Variants in CERS3 observed in about 807,000 individuals in gnomAD.
CERS3 encodes the protein ceramide synthase 3.
CERS3 carries 33 observed loss-of-function variants against 50.3 expected under a neutral mutation model. The ratio of observed to expected loss-of-function variants is 0.66; its 90% CI spans 0.50 to 0.88. The LOEUF is 0.88. Ranked by LOEUF, CERS3 falls within the 40% of genes least tolerant of loss-of-function variation. The probability of loss-of-function intolerance (pLI) is 0.00; values close to 1 mark genes in which losing one functional copy is unlikely to be tolerated. For synonymous variants in CERS3, 176 were observed against 155.2 expected (o/e 1.13, Z -0.99); for missense variants, 470 against 460.3 (o/e 1.02, Z -0.19).
intron 1 of CERS3, among the ~76,000 whole-genome samples, chr15:100,524,651 T>C (rs1485382981): frequency 2.0e-5 from 3 of 152,238 alleles, no homozygotes; most frequent in Non-Finnish European, 4.4e-5. Flanking sequence ...GCATGTTGTA[T>C]GTTTTTAAAG....
intron 11 of CERS3, among the ~76,000 whole-genome samples, chr15:100,429,842 CCCA>C (rs1406921955): frequency 6.6e-6 from 1 of 152,052 alleles, no homozygotes; most frequent in Non-Finnish European, 1.5e-5. Context: ...TACACAAATT[CCCA>C]CCACTTTAAT....
intron 11 of CERS3, among the ~76,000 whole-genome samples, chr15:100,406,518 G>A (rs981190206): frequency 1.3e-5 from 2 of 152,150 alleles, no homozygotes; most frequent in African/African-American, 4.8e-5. Context: ...GCTCATCTCT[G>A]TATGTTCGGT....
chr15:100,532,221 T>C (rs140427449), upstream of CERS3, among the ~76,000 whole-genome samples: 129 of 152,308 alleles, frequency 8.5e-4, no homozygotes, highest in African/African-American at 2.9e-3. Context: ...AGCTGCATTT[T>C]ATGCTTTCAG....
At chr15:100,472,274 A>G (rs1018364851) in intron 9 of CERS3, among the ~76,000 whole-genome samples, 2 of 152,210 alleles carry the variant, frequency 1.3e-5, no homozygotes, top group African/African-American at 4.8e-5. Flanking sequence ...GGACAATTCC[A>G]TCACTGCCTG....
chr15:100,405,465 A>C (rs1470603768), intron 11 of CERS3, among the ~76,000 whole-genome samples: 1 of 152,216 alleles, frequency 6.6e-6, no homozygotes, highest in African/African-American at 2.4e-5. Context: ...ACAAGGACGC[A>C]AAACAATTGG....
At chr15:100,409,602 T>C (rs1387918009) in intron 11 of CERS3, among the ~76,000 whole-genome samples, 6 of 152,192 alleles carry the variant, frequency 3.9e-5, no homozygotes, top group African/African-American at 1.4e-4. Context: ...AGGTCGAGCC[T>C]TGGTATTTTC....
At chr15:100,534,469 C>A (rs1292043251) in intron 1 of CERS3, among the ~76,000 whole-genome samples, 4 of 151,544 alleles carry the variant, frequency 2.6e-5, no homozygotes, top group Non-Finnish European at 5.9e-5. Flanking sequence ...CTTATGATGA[C>A]TATAATGATT....
intron 2 of CERS3, among the ~76,000 whole-genome samples, chr15:100,515,889 T>TCCTC (rs557435859): frequency 1.2e-3 from 177 of 152,286 alleles, no homozygotes; most frequent in African/African-American, 4.1e-3. Context: ...AACATCTTGC[T>TCCTC]CCTCTTCACT....
chr15:100,410,006 A>G (rs2031352899), intron 11 of CERS3, among the ~76,000 whole-genome samples: 1 of 152,138 alleles, frequency 6.6e-6, no homozygotes, highest in Non-Finnish European at 1.5e-5. Flanking sequence ...AGGTTTTCCT[A>G]CAGTAGCCGC....
intron 11 of CERS3, among the ~76,000 whole-genome samples, chr15:100,412,111 T>C (rs2031537018): frequency 6.6e-6 from 1 of 152,236 alleles, no homozygotes; most frequent in Non-Finnish European, 1.5e-5. Flanking sequence ...AAGTTTTAAA[T>C]TTTCATGAAG....
chr15:100,484,096 C>T (rs1241350514), intron 5 of CERS3, among the ~76,000 whole-genome samples: 1 of 152,040 alleles, frequency 6.6e-6, no homozygotes, highest in Non-Finnish European at 1.5e-5. Flanking sequence ...GAGGCCTTCT[C>T]AGTGTTCTGA....
chr15:100,459,521 G>A (rs994413508), intron 10 of CERS3, among the ~76,000 whole-genome samples: 3 of 152,038 alleles, frequency 2.0e-5, no homozygotes, highest in Non-Finnish European at 2.9e-5. Flanking sequence ...GGCTGATCTC[G>A]AACTTCTAGG....
intron 3 of CERS3, among the ~76,000 whole-genome samples, chr15:100,494,517 G>A (rs1278712750): frequency 6.6e-6 from 1 of 151,964 alleles, no homozygotes; most frequent in Admixed American, 6.6e-5. Context: ...AAAGTGCTGG[G>A]ATTACAGACG....
At chr15:100,442,937 A>T (rs1276579658) in intron 11 of CERS3, among the ~76,000 whole-genome samples, 1 of 151,348 alleles carries the variant, frequency 6.6e-6, no homozygotes, top group African/African-American at 2.4e-5. Flanking sequence ...TGTTGTGGGT[A>T]TTGACGGCCA....
At chr15:100,403,035 C>G (rs2030680185) in intron 11 of CERS3, among the ~76,000 whole-genome samples, 170 bp from the exon 12 acceptor site, 1 of 152,154 alleles carries the variant, frequency 6.6e-6, no homozygotes. Flanking sequence ...CCAACCTTAA[C>G]AAACCTAAAT....
At chr15:100,456,944 G>GGA (rs5814965) in intron 10 of CERS3, among the ~76,000 whole-genome samples, 5 of 135,984 alleles carry the variant, frequency 3.7e-5, no homozygotes, top group East Asian at 2.1e-4. Flanking sequence ...AAGATTCCGT[G>GGA]AAAAAAAAAA....
chr15:100,433,456 C>T (rs1391558760), intron 11 of CERS3, among the ~76,000 whole-genome samples: 2 of 152,054 alleles, frequency 1.3e-5, no homozygotes, highest in Non-Finnish European at 2.9e-5. Context: ...AAAATATATA[C>T]AAATTCCCCT....
At chr15:100,484,768 G>T in intron 4 of CERS3, 100 bp from the exon 5 acceptor site, 1 of 838,614 alleles carries the variant, frequency 1.2e-6, no homozygotes, top group African/African-American at 1.7e-5. Flanking sequence ...TCGGTACTGG[G>T]GATGAGAGAA....
intron 10 of CERS3, among the ~76,000 whole-genome samples, chr15:100,466,868 T>TCTCTTTCTCTCTTTCG: frequency 6.8e-6 from 1 of 147,636 alleles, no homozygotes; most frequent in Non-Finnish European, 1.5e-5. Flanking sequence ...TCTTTCTTTC[T>TCTCTTTCTCTCTTTCG]TTCTTGATGG....
Sources: gnomAD v4.1 joint callset for allele counts (sites outside exome capture counted in the v4.1 genomes callset) on GRCh38, gnomAD v4.1.1 for gene constraint, MANE v1.5 for transcripts, NCBI Gene and HGNC (gene_info 2026-07-23, HGNC 2026-07-21) for gene names.